DAGLA: variants seen among roughly 807,000 people sequenced by gnomAD.
The protein encoded by DAGLA is diacylglycerol lipase-alpha.
A neutral mutation model predicts 102.6 loss-of-function variants in DAGLA; 22 were observed. The ratio of observed to expected loss-of-function variants is 0.21; its 90% confidence interval spans 0.15 to 0.31. The LOEUF is 0.31. DAGLA is among the 10% of genes least tolerant of loss of function. DAGLA has a pLI of 1.00. For synonymous variants in DAGLA, 578 were observed against 628.9 expected (o/e 0.92, Z 1.21); for missense variants, 927 against 1,446.6 (o/e 0.64, Z 5.83).
At position 61,743,580 on chromosome 11, in the gene DAGLA, G is replaced by A. The variant is rs1403303955; in HGVS notation, c.2220G>A (p.Arg740=). The change falls in exon 20 of 20, where the codon CGG becomes CGA. Residue 740 remains arginine, a synonymous_variant. Coordinates refer to ENST00000257215, the MANE Select transcript of DAGLA (RefSeq NM_006133.3). ...EMSLEGFSEG[R]LLSPVVAAAA... ...GCCTGGAGGGCTTCTCGGAGGGGCG[G>A]CTGCTGTCGCCAGTGGTTGCGGCGG... The A allele has an allele frequency of 1.9e-6, 3 of 1,557,670 alleles. No individual in the cohort carries two copies. Among genetic ancestry groups the A allele is most frequent in the South Asian group, 2.4e-5 (2 of 82,912 alleles).
Position 61,686,749 on chromosome 11 carries a change from C to A in DAGLA, c.-45+6245C>A, listed in dbSNP as rs1395067000. 6.6e-6 allele frequency among the ~76,000 whole-genome samples: 1 copy of A among 152,214 alleles called. No individual in the cohort carries two copies. Among genetic ancestry groups the A allele is most frequent in the East Asian group, 1.9e-4 (1 of 5,188 alleles). ...TCCTGAATGGGCCCCTCGTCATTGTCTCTCCTGGAGCCATTTAATTAATTG... is the reference window on the plus strand; with the variant it reads ...TCCTGAATGGGCCCCTCGTCATTGTATCTCCTGGAGCCATTTAATTAATTG... On this transcript the variant is annotated intron_variant, in intron 1 of 19. Coordinates refer to ENST00000257215, the MANE Select transcript of DAGLA (RefSeq NM_006133.3). The surrounding 1 kb of genome is among the most constrained non-coding windows in gnomAD (Gnocchi z 5.2).
At chr11:61,729,806 C>G (rs954756697) in intron 8 of DAGLA, among the ~76,000 whole-genome samples, 6 of 152,060 alleles carry the variant, frequency 3.9e-5, no homozygotes, top group Non-Finnish European at 7.4e-5. Flanking sequence ...CGTGTGCTGC[C>G]TTGTGCCTGC....
intron 1 of DAGLA, among the ~76,000 whole-genome samples, chr11:61,683,229 T>C: frequency 6.6e-6 from 1 of 152,188 alleles, no homozygotes; most frequent in East Asian, 1.9e-4. Context: ...TGTCAAGCCA[T>C]GTGGGTGGAA....
intron 1 of DAGLA, among the ~76,000 whole-genome samples, chr11:61,699,686 C>T (rs996887646): frequency 2.6e-5 from 4 of 152,222 alleles, no homozygotes; most frequent in Non-Finnish European, 4.4e-5. Flanking sequence ...CAGGCCCCTC[C>T]GGGGAGTACA....
chr11:61,703,714 G>GATGGATGGATGA (rs1444675028), intron 1 of DAGLA, among the ~76,000 whole-genome samples: 2 of 148,854 alleles, frequency 1.3e-5, no homozygotes, highest in African/African-American at 2.5e-5. Flanking sequence ...TGGATGGATG[G>GATGGATGGATGA]ATGAATGGAT....
At position 61,743,681 on chromosome 11, in the gene DAGLA, G is replaced by A. The variant is rs1469854025; in HGVS notation, c.2321G>A (p.Arg774Gln). ...CTGGCGGCGGAGCTGCAGGCCCGGC[G>A]GGCACCACTGGCCACCATGGAGAGC... The part of the protein sequence containing the change: ...ERLAAELQAR[R>Q]APLATMESLS... The change falls in exon 20 of 20, where the codon CGG (arginine) becomes CAG (glutamine). Residue 774 changes from arginine to glutamine, a missense_variant. Transcript: ENST00000257215. The A allele has an allele frequency of 2.5e-6, 4 of 1,601,354 alleles. No individual in the cohort carries two copies. The highest frequency in any genetic ancestry group is 2.2e-5 in the South Asian group (2 of 90,608).
At chr11:61,716,899 A>T (rs2065239634) in intron 1 of DAGLA, among the ~76,000 whole-genome samples, 1 of 152,118 alleles carries the variant, frequency 6.6e-6, no homozygotes, top group African/African-American at 2.4e-5. Context: ...AAGTCATTCC[A>T]TCCATGTGAG....
chr11:61,722,884 C>T lies in DAGLA; in HGVS notation c.333C>T (p.Tyr111=), dbSNP rs374808753. The T allele has an allele frequency of 1.6e-5, 26 of 1,614,040 alleles. 1 individual carries two copies. The highest frequency in any genetic ancestry group is 8.8e-5 in the South Asian group (8 of 91,092). ...CCATCCTGGTGATCGAGTTCATCTA[C>T]GCCATCGTGGGCATCGTCTGGCTCA... The part of the protein sequence containing the change: ...RLAILVIEFI[Y]AIVGIVWLTQ... The change falls in exon 4 of 20, where the codon TAC becomes TAT. Residue 111 remains tyrosine, a synonymous_variant. Coordinates refer to ENST00000257215, the MANE Select transcript of DAGLA (RefSeq NM_006133.3).
At chr11:61,743,436 C>A in intron 19 of DAGLA, 96 bp from the exon 20 acceptor site, 1 of 906,762 alleles carries the variant, frequency 1.1e-6, no homozygotes, top group Non-Finnish European at 1.6e-6. Flanking sequence ...GAACTGTACC[C>A]TTTATTCCCT....
At chr11:61,713,691 C>T (rs2135573546) in intron 1 of DAGLA, among the ~76,000 whole-genome samples, 1 of 152,342 alleles carries the variant, frequency 6.6e-6, no homozygotes, top group African/African-American at 2.4e-5. Context: ...GCTGGTGAGC[C>T]CACCCTAGCT....
chr11:61,721,027 G>C, intron 3 of DAGLA, 137 bp downstream of exon 3: 5 of 799,144 alleles, frequency 6.3e-6, no homozygotes, highest in Non-Finnish European at 9.9e-6. Flanking sequence ...AAGGCCTTCT[G>C]TAGCTTACAT....
intron 1 of DAGLA, among the ~76,000 whole-genome samples, chr11:61,714,183 T>G (rs922111551): frequency 6.6e-6 from 1 of 152,170 alleles, no homozygotes; most frequent in African/African-American, 2.4e-5. Flanking sequence ...CAATTTTGAT[T>G]TACTGGGGCC....
chr11:61,711,138 C>G (rs911452382), intron 1 of DAGLA, among the ~76,000 whole-genome samples: 1 of 152,146 alleles, frequency 6.6e-6, no homozygotes, highest in Non-Finnish European at 1.5e-5. Context: ...AGAAGACCAC[C>G]GGGGCAGGTA....
chr11:61,700,910 C>T (rs536894616), intron 1 of DAGLA, among the ~76,000 whole-genome samples: 6 of 152,354 alleles, frequency 3.9e-5, no homozygotes, highest in South Asian at 2.1e-4. Context: ...CATGTGGCCC[C>T]GGGCCAGGCA....
chr11:61,726,207 G>A, intron 6 of DAGLA, 125 bp downstream of exon 6: 1 of 854,034 alleles, frequency 1.2e-6, no homozygotes, highest in Non-Finnish European at 1.9e-6. Flanking sequence ...TTTCCAGCGT[G>A]AGCAAGTATG....
chr11:61,715,163 AC>A (rs1271456175), intron 1 of DAGLA, among the ~76,000 whole-genome samples: 1 of 152,144 alleles, frequency 6.6e-6, no homozygotes, highest in Non-Finnish European at 1.5e-5. Flanking sequence ...CCCCTTGCAC[AC>A]ACTGTGGAAT....
intron 1 of DAGLA, among the ~76,000 whole-genome samples, chr11:61,685,950 T>C (rs2064983019): frequency 2.0e-5 from 3 of 152,140 alleles, no homozygotes; most frequent in African/African-American, 7.2e-5. Flanking sequence ...GGAGCCATGA[T>C]GGCAGGGCTG....
Position 61,737,771 on chromosome 11 carries a change from C to T in DAGLA, c.1583+16C>T, listed in dbSNP as rs199724284. On this transcript the variant is annotated intron_variant, in intron 15 of 19. Transcript: ENST00000257215. Reference sequence around the variant, plus strand: ...TCGTCCCCAGGTGAGTCCTTGGCCCCGCTCCATGGTCCCTTGCCAGGCTGT... The same window carrying T: ...TCGTCCCCAGGTGAGTCCTTGGCCCTGCTCCATGGTCCCTTGCCAGGCTGT... The T allele has an allele frequency of 2.6e-4, 422 of 1,611,982 alleles. No homozygotes were observed. The highest frequency in any genetic ancestry group is 1.1e-3 in the African/African-American group (79 of 74,970).
At chr11:61,691,809 G>T (rs544182718) in intron 1 of DAGLA, among the ~76,000 whole-genome samples, 1 of 152,210 alleles carries the variant, frequency 6.6e-6, no homozygotes, top group Non-Finnish European at 1.5e-5. Context: ...CTCCTGCTGG[G>T]GGTAGTCTTG....
Sources: gnomAD v4.1 joint callset for allele counts (sites outside exome capture counted in the v4.1 genomes callset) on GRCh38, gnomAD v4.1.1 for gene constraint, Gnocchi (gnomAD v3.1) non-coding constraint, MANE v1.5 for transcripts, NCBI Gene and HGNC (gene_info 2026-07-23, HGNC 2026-07-21) for gene names.